The following CACNA2D2 variants were observed in gnomAD, a reference collection of about 807,000 sequenced individuals.
CACNA2D2 encodes calcium voltage-gated channel auxiliary subunit alpha2delta 2, also known as voltage-dependent calcium channel subunit alpha-2/delta-2.
Under a neutral mutation model 166.4 loss-of-function variants are expected in CACNA2D2, and 48 were observed. That is an observed-to-expected ratio of 0.29 (90% CI 0.23 to 0.37). The LOEUF is 0.37. CACNA2D2 is among the 10% of genes least tolerant of loss of function. The pLI is 1.00. For synonymous variants in CACNA2D2, 561 were observed against 573.7 expected (o/e 0.98, Z 0.32); for missense variants, 1,122 against 1,433.0 (o/e 0.78, Z 3.50).
intron 2 of CACNA2D2, among the ~76,000 whole-genome samples, chr3:50,452,149 A>G (rs553918677): frequency 6.6e-6 from 1 of 152,348 alleles, no homozygotes; most frequent in East Asian, 1.9e-4. Flanking sequence ...GGGGGTGCAC[A>G]GAGGCCTGGT....
chr3:50,483,528 C>G (rs1040779603), intron 1 of CACNA2D2, among the ~76,000 whole-genome samples: 2 of 152,188 alleles, frequency 1.3e-5, no homozygotes, highest in South Asian at 2.1e-4. Flanking sequence ...GTGCCTCCCC[C>G]TCAGACTAAC....
At chr3:50,463,805 G>A (rs1271390672) in intron 2 of CACNA2D2, among the ~76,000 whole-genome samples, 3 of 152,238 alleles carry the variant, frequency 2.0e-5, no homozygotes, top group Non-Finnish European at 4.4e-5. Flanking sequence ...GGGGGAGAAC[G>A]AAGGCTGGGC....
rs752766858 is a variant in CACNA2D2 at position 50,384,248 on chromosome 3, C to T, written c.600G>A (p.Lys200=). 11 of 1,614,060 alleles carry T rather than the reference C, an allele frequency of 6.8e-6. No homozygotes were observed. The African/African-American group carries it at 1.1e-4, about 16-fold the overall frequency. Residue 200 remains lysine, a synonymous_variant, in exon 6 of 38, where the codon AAG becomes AAA. Coordinates refer to ENST00000424201, the MANE Select transcript of CACNA2D2 (RefSeq NM_006030.4). The part of the protein sequence containing the change: ...DFIEDPNFKN[K]VNYSYAAVQI... Reference sequence around the variant, plus strand: ...GTACAGCCGCGTATGAATAGTTGACCTTGTTCTTGAAGTTTGGGTCCTCGA... The same window carrying T: ...GTACAGCCGCGTATGAATAGTTGACTTTGTTCTTGAAGTTTGGGTCCTCGA...
chr3:50,485,368 T>C (rs1284344791), intron 1 of CACNA2D2, among the ~76,000 whole-genome samples: 1 of 152,230 alleles, frequency 6.6e-6, no homozygotes, highest in Non-Finnish European at 1.5e-5. Flanking sequence ...GCCACCCTAG[T>C]GGTTTTCAAA....
At chr3:50,456,015 T>C (rs1267616001) in intron 2 of CACNA2D2, among the ~76,000 whole-genome samples, 3 of 152,276 alleles carry the variant, frequency 2.0e-5, no homozygotes, top group Admixed American at 1.3e-4. Context: ...CTATTGCCCA[T>C]CGTCCAGGAC....
chr3:50,365,224 C>CCCCCCGG lies in CACNA2D2; in HGVS notation c.3099-41_3099-40insCCGGGGG. ...GAAAGGCGGGGCGTTGAGTTTGCCCCGCCCTGACCCACCCCCATCCTGCGG... is the reference window on the plus strand; with the variant it reads ...GAAAGGCGGGGCGTTGAGTTTGCCCCCCCCCGGGCCCTGACCCACCCCCATCCTGCGG... On this transcript the variant is annotated intron_variant, in intron 35 of 37. Coordinates refer to ENST00000424201, the MANE Select transcript of CACNA2D2 (RefSeq NM_006030.4). This position sits in a 1 kb window ranked among gnomAD's most constrained non-coding sequence, Gnocchi z 4.5. 1 of 1,571,142 alleles carries CCCCCCGG rather than the reference C, an allele frequency of 6.4e-7. No homozygotes were observed. The highest frequency in any genetic ancestry group is 8.7e-7 in the Non-Finnish European group (1 of 1,147,116).
chr3:50,407,033 G>T (rs1402436114), intron 3 of CACNA2D2, among the ~76,000 whole-genome samples: 1 of 151,826 alleles, frequency 6.6e-6, no homozygotes, highest in Non-Finnish European at 1.5e-5. Context: ...CTTGTATCTA[G>T]GTACCTTGAC....
At chr3:50,481,203 C>T (rs939800547) in intron 1 of CACNA2D2, among the ~76,000 whole-genome samples, 6 of 151,372 alleles carry the variant, frequency 4.0e-5, no homozygotes, top group Non-Finnish European at 5.9e-5. Context: ...AGCAGAGGGG[C>T]GAGAAAGGAT....
chr3:50,409,603 G>A (rs1706897304), intron 3 of CACNA2D2, among the ~76,000 whole-genome samples: 1 of 152,242 alleles, frequency 6.6e-6, no homozygotes, highest in Admixed American at 6.5e-5. Context: ...CTGCAAAGCA[G>A]GTCTCATTTC....
chr3:50,450,485 G>A (rs190036323), intron 2 of CACNA2D2, among the ~76,000 whole-genome samples: 33 of 152,280 alleles, frequency 2.2e-4, no homozygotes, highest in African/African-American at 6.0e-4. Flanking sequence ...AATCTTAAGA[G>A]GCTCTGGAGC....
rs576728531 is a variant in CACNA2D2 at position 50,503,343 on chromosome 3, G to A, written c.81C>T (p.Pro27=). The change falls in exon 1 of 38, where the codon CCC becomes CCT. Residue 27 remains proline (P), a synonymous_variant. Coordinates refer to ENST00000424201, the MANE Select transcript of CACNA2D2 (RefSeq NM_006030.4). ...RTARPWPGCG[P]HPGPGTRRPT... is the part of the protein sequence containing the mutation. ...GGCGCCGGGTGCCGGGGCCAGGGTGGGGGCCGCAGCCGGGCCAGGGGCGCG... is the reference window on the plus strand; with the variant it reads ...GGCGCCGGGTGCCGGGGCCAGGGTGAGGGCCGCAGCCGGGCCAGGGGCGCG... The A allele has an allele frequency of 2.5e-5, 9 of 354,488 alleles. No homozygotes were observed. The South Asian group carries it at 1.1e-3, about 44-fold the overall frequency. 22.0% of individuals were successfully genotyped at this position (354,488 alleles called of 1,614,324 possible).
At chr3:50,409,232 C>T (rs996414116) in intron 3 of CACNA2D2, among the ~76,000 whole-genome samples, 3 of 152,192 alleles carry the variant, frequency 2.0e-5, no homozygotes, top group Admixed American at 6.5e-5. Flanking sequence ...ACATGGAGGC[C>T]GACAGCACTT....
chr3:50,431,713 G>A (rs935649234), intron 3 of CACNA2D2, among the ~76,000 whole-genome samples: 10 of 152,226 alleles, frequency 6.6e-5, no homozygotes, highest in Middle Eastern at 3.4e-3. Flanking sequence ...GGCCAGATGC[G>A]GTGGCTCAGG....
At chr3:50,482,861 T>C (rs1380527391) in intron 1 of CACNA2D2, among the ~76,000 whole-genome samples, 1 of 152,160 alleles carries the variant, frequency 6.6e-6, no homozygotes, top group African/African-American at 2.4e-5. Context: ...ACTCTCAGGT[T>C]TCAGCAGCTT....
intron 3 of CACNA2D2, among the ~76,000 whole-genome samples, chr3:50,419,225 G>C (rs1318467105): frequency 6.6e-6 from 1 of 152,176 alleles, no homozygotes; most frequent in Non-Finnish European, 1.5e-5. Flanking sequence ...CTAAAACAGG[G>C]ACCTGAGGAC....
At position 50,365,655 on chromosome 3, in the gene CACNA2D2, G is replaced by C. The variant is rs142877499; in HGVS notation, c.2949C>G (p.Ile983Met). ...SLFQQLLYGL[I>M]YHSWFQADPA... Reference sequence around the variant, plus strand: ...TACCTGCTTGGAACCAGCTGTGGTAGATGAGGCCGTAGAGAAGCTGCTGGA... The same window carrying C: ...TACCTGCTTGGAACCAGCTGTGGTACATGAGGCCGTAGAGAAGCTGCTGGA... Residue 983 changes from isoleucine to methionine, a missense_variant, in exon 34 of 38, where the codon ATC becomes ATG. This residue lies in a region of CACNA2D2 where 282 missense variants were observed against 266.2 expected (regional missense o/e 1.06). Coordinates refer to ENST00000424201, the MANE Select transcript of CACNA2D2 (RefSeq NM_006030.4). The surrounding 1 kb of genome is among the most constrained non-coding windows in gnomAD (Gnocchi z 4.5). The C allele has an allele frequency of 5.7e-6, 9 of 1,582,086 alleles. No individual in the cohort carries two copies. Among genetic ancestry groups the C allele is most frequent in the Non-Finnish European group, 7.7e-6 (9 of 1,164,256 alleles).
chr3:50,405,657 A>G (rs1298216723), intron 3 of CACNA2D2, among the ~76,000 whole-genome samples: 1 of 152,146 alleles, frequency 6.6e-6, no homozygotes, highest in Non-Finnish European at 1.5e-5. Context: ...CACTCTTACT[A>G]AACACACCAC....
chr3:50,470,317 A>G (rs1296438897), intron 2 of CACNA2D2, among the ~76,000 whole-genome samples: 2 of 152,184 alleles, frequency 1.3e-5, no homozygotes, highest in African/African-American at 4.8e-5. Flanking sequence ...CAGCCTCAGC[A>G]GCCTGGAGGA....
intron 1 of CACNA2D2, among the ~76,000 whole-genome samples, chr3:50,481,030 G>A (rs1698032865): frequency 6.7e-6 from 1 of 150,010 alleles, no homozygotes. Context: ...TTTATATGTG[G>A]AGTTGTTGAT....
Sources: gnomAD v4.1 joint callset for allele counts (sites outside exome capture counted in the v4.1 genomes callset) on GRCh38, gnomAD v4.1.1 for gene constraint, gnomAD v4.1.1 regional missense constraint, Gnocchi (gnomAD v3.1) non-coding constraint, MANE v1.5 for transcripts, NCBI Gene and HGNC (gene_info 2026-07-23, HGNC 2026-07-21) for gene names.